EFEMP1: variants seen among roughly 807,000 people sequenced by gnomAD.
The protein encoded by EFEMP1 is EGF-like fibulin extracellular matrix protein 1.
Under a neutral mutation model 65.7 loss-of-function variants are expected in EFEMP1, and 18 were observed. The ratio of observed to expected loss-of-function variants is 0.27; its 90% CI spans 0.19 to 0.41. The LOEUF (loss-of-function observed/expected upper bound fraction) is 0.41, where lower values mean the gene tolerates loss of function less well. Ranked by LOEUF, EFEMP1 falls within the 10% of genes least tolerant of loss-of-function variation. The pLI is 1.00. For synonymous variants in EFEMP1, 237 were observed against 219.7 expected (o/e 1.08, Z -0.70); for missense variants, 469 against 624.8 (o/e 0.75, Z 2.66).
At chr2:55,896,609 C>T (rs547276385) in intron 5 of EFEMP1, among the ~76,000 whole-genome samples, 1 of 152,244 alleles carries the variant, frequency 6.6e-6, no homozygotes, top group East Asian at 1.9e-4. Flanking sequence ...ATTTAATTTG[C>T]CCCTGTAGAA....
chr2:55,871,100 T>C lies in EFEMP1; in HGVS notation c.1024A>G (p.Asn342Asp), dbSNP rs1411569398. 1 of 1,613,662 alleles carries C rather than the reference T, an allele frequency of 6.2e-7. No individual in the cohort carries two copies. The highest frequency in any genetic ancestry group is 8.5e-7 in the Non-Finnish European group (1 of 1,179,708). ...CACATTTCATCCTCCCGGCATTCAT[T>C]TGTGGTCTCACACTCATTTATATCT... The part of the protein sequence containing the change: ...CQDINECETT[N>D]ECREDEMCWN... The change falls in exon 10 of 12, where the codon AAT becomes GAT. Residue 342 changes from asparagine (N) to aspartate (D), a missense_variant. Physicochemically the swap from Asn to Asp is conservative, Grantham distance 23. Transcript: ENST00000355426. This position sits in a 1 kb window ranked among gnomAD's most constrained non-coding sequence, Gnocchi z 4.2.
intron 5 of EFEMP1, among the ~76,000 whole-genome samples, chr2:55,888,991 G>A (rs1669533324): frequency 1.3e-5 from 2 of 152,168 alleles, no homozygotes; most frequent in South Asian, 4.1e-4. Context: ...ACACTGGTGA[G>A]TGATGAACTG....
chr2:55,897,903 T>C (rs1176638481), intron 5 of EFEMP1, among the ~76,000 whole-genome samples: 1 of 152,166 alleles, frequency 6.6e-6, no homozygotes, highest in African/African-American at 2.4e-5. Flanking sequence ...CTATGGATAA[T>C]TGCCTCCTGC....
chr2:55,901,363 A>G (rs1454139358), intron 5 of EFEMP1, among the ~76,000 whole-genome samples: 1 of 152,244 alleles, frequency 6.6e-6, no homozygotes, highest in Non-Finnish European at 1.5e-5. Context: ...GGAGTAAAAG[A>G]CTTTAAACTA....
chr2:55,888,503 A>C (rs1269597272), intron 5 of EFEMP1, among the ~76,000 whole-genome samples: 2 of 151,780 alleles, frequency 1.3e-5, no homozygotes, highest in Non-Finnish European at 2.9e-5. Flanking sequence ...ATGCCTGGCT[A>C]ATTTTTTGTA....
At chr2:55,895,417 G>C (rs183052407) in intron 5 of EFEMP1, among the ~76,000 whole-genome samples, 1 of 152,138 alleles carries the variant, frequency 6.6e-6, no homozygotes, top group Non-Finnish European at 1.5e-5. Context: ...GCCTTTGTCC[G>C]TAAGCCTCCC....
chr2:55,911,786 C>T (rs144975519), intron 5 of EFEMP1, among the ~76,000 whole-genome samples: 116 of 152,254 alleles, frequency 7.6e-4, no homozygotes, highest in African/African-American at 2.6e-3. Flanking sequence ...CCACCTCTAA[C>T]GGTTGTCATT....
chr2:55,872,622 G>A (rs1042917793), intron 9 of EFEMP1, among the ~76,000 whole-genome samples: 3 of 151,998 alleles, frequency 2.0e-5, no homozygotes, highest in Non-Finnish European at 4.4e-5. Flanking sequence ...AATAATTCAT[G>A]CCTTGACTTT....
At chr2:55,875,217 T>C (rs1313657576) in intron 8 of EFEMP1, 152 bp from the exon 9 acceptor site, 1 of 316,070 alleles carries the variant, frequency 3.2e-6, no homozygotes, top group South Asian at 1.3e-4. Flanking sequence ...AAATTATTTA[T>C]ATTTTAAGGA....
intron 9 of EFEMP1, among the ~76,000 whole-genome samples, chr2:55,872,904 A>G (rs948705592): frequency 6.6e-6 from 1 of 152,098 alleles, no homozygotes; most frequent in Non-Finnish European, 1.5e-5. Context: ...CAGAAGCAAA[A>G]GACAACCTTA....
intron 5 of EFEMP1, among the ~76,000 whole-genome samples, chr2:55,910,616 G>C (rs1002794580): frequency 6.6e-6 from 1 of 152,126 alleles, no homozygotes; most frequent in East Asian, 1.9e-4. Context: ...GAAGTTACCC[G>C]GGCTTGCAAT....
At position 55,875,714 on chromosome 2, in the gene EFEMP1, G is replaced by A. The variant is rs77455316; in HGVS notation, c.881-649C>T. On this transcript the variant is annotated intron_variant, in intron 8 of 11. Transcript: ENST00000355426. ...GTCTTCTCAGAAATTGGGTGACTTT[G>A]AAGCCAAGTTCATTTGAGCTTTGAA... Among the ~76,000 whole-genome samples the A allele has an allele frequency of 1.6e-3, 247 of 152,230 alleles. 2 individuals are homozygous for A. Among genetic ancestry groups the A allele is most frequent in the Middle Eastern group, 0.01 (3 of 294 alleles).
intron 7 of EFEMP1, 57 bp from the exon 8 acceptor site, chr2:55,876,799 T>A (rs942713794): frequency 5.4e-5 from 58 of 1,076,716 alleles, no homozygotes; most frequent in Non-Finnish European, 7.6e-6. Context: ...CACACACATA[T>A]ATATATAGAC....
intron 5 of EFEMP1, among the ~76,000 whole-genome samples, chr2:55,907,661 T>A (rs1033587816): frequency 6.6e-6 from 1 of 152,142 alleles, no homozygotes; most frequent in Admixed American, 6.5e-5. Flanking sequence ...AAATCTAACA[T>A]CATCATTGAA....
intron 5 of EFEMP1, among the ~76,000 whole-genome samples, chr2:55,900,607 C>T (rs574850948): frequency 9.2e-5 from 14 of 152,182 alleles, no homozygotes; most frequent in Admixed American, 7.8e-4. Flanking sequence ...CAAAAAAACC[C>T]AAAACTTTGC....
intron 7 of EFEMP1, 78 bp from the exon 8 acceptor site, chr2:55,876,820 T>A (rs752587852): frequency 1.4e-5 from 13 of 905,036 alleles, no homozygotes; most frequent in Non-Finnish European, 2.0e-5. Context: ...TTTAAACATA[T>A]CCTTACTCTT....
intron 5 of EFEMP1, among the ~76,000 whole-genome samples, chr2:55,895,605 G>A (rs372837002): frequency 4.2e-4 from 64 of 150,722 alleles, no homozygotes; most frequent in African/African-American, 1.4e-3. Flanking sequence ...GCAGTGGCGC[G>A]ATCTCGGCTC....
chr2:55,891,759 C>G (rs1219214243), intron 5 of EFEMP1, among the ~76,000 whole-genome samples: 1 of 151,992 alleles, frequency 6.6e-6, no homozygotes, highest in Non-Finnish European at 1.5e-5. Flanking sequence ...AAGGATTTTT[C>G]AGGAAGGAAG....
chr2:55,872,894 C>A (rs947180555), intron 9 of EFEMP1, among the ~76,000 whole-genome samples: 1 of 151,996 alleles, frequency 6.6e-6, no homozygotes, highest in South Asian at 2.1e-4. Context: ...TGGAGTCCAA[C>A]AGAAGCAAAA....
Sources: gnomAD v4.1 joint callset for allele counts (sites outside exome capture counted in the v4.1 genomes callset) on GRCh38, gnomAD v4.1.1 for gene constraint, Gnocchi (gnomAD v3.1) non-coding constraint, MANE v1.5 for transcripts, NCBI Gene and HGNC (gene_info 2026-07-23, HGNC 2026-07-21) for gene names.